Variants in COL19A1 observed in about 807,000 individuals in gnomAD.
The protein encoded by COL19A1 is collagen alpha-1(XIX) chain.
A neutral mutation model predicts 190.2 loss-of-function variants in COL19A1; 159 were observed. The ratio of observed to expected loss-of-function variants is 0.84; its 90% confidence interval spans 0.73 to 0.95. The LOEUF is 0.95. Ranked by LOEUF, COL19A1 falls within the 40% of genes least tolerant of loss-of-function variation. The probability of loss-of-function intolerance (pLI) is 0.00; values close to 1 mark genes in which losing one functional copy is unlikely to be tolerated. For synonymous variants in COL19A1, 509 were observed against 458.9 expected (o/e 1.11, Z -1.39); for missense variants, 1,418 against 1,431.9 (o/e 0.99, Z 0.16).
chr6:69,987,129 C>T (rs1776357144), intron 11 of COL19A1, among the ~76,000 whole-genome samples: 2 of 152,034 alleles, frequency 1.3e-5, no homozygotes, highest in South Asian at 2.1e-4. Flanking sequence ...GGCATCATCC[C>T]AAAGGTGTCC....
At chr6:69,901,739 A>C (rs1239617290) in intron 4 of COL19A1, among the ~76,000 whole-genome samples, 3 of 152,220 alleles carry the variant, frequency 2.0e-5, no homozygotes, top group Admixed American at 2.0e-4. Context: ...GAAAGGCAAT[A>C]CATTCTGTTT....
At chr6:70,081,046 A>G (rs1782216205) in intron 15 of COL19A1, among the ~76,000 whole-genome samples, 3 of 152,202 alleles carry the variant, frequency 2.0e-5, no homozygotes, top group African/African-American at 7.2e-5. Context: ...TTTAATATCA[A>G]AAATGGTGCA....
At chr6:70,053,132 G>A (rs1780300360) in intron 14 of COL19A1, among the ~76,000 whole-genome samples, 1 of 152,120 alleles carries the variant, frequency 6.6e-6, no homozygotes, top group Non-Finnish European at 1.5e-5. Flanking sequence ...GTGCAAACAT[G>A]GAAGTCTTTT....
chr6:70,189,765 C>T (rs1244512669), intron 47 of COL19A1, among the ~76,000 whole-genome samples: 1 of 152,186 alleles, frequency 6.6e-6, no homozygotes, highest in African/African-American at 2.4e-5. Context: ...TATATACTTG[C>T]AATGTGTAAA....
intron 11 of COL19A1, among the ~76,000 whole-genome samples, chr6:69,972,018 A>T (rs1775456739): frequency 6.6e-6 from 1 of 152,206 alleles, no homozygotes; most frequent in African/African-American, 2.4e-5. Context: ...TGTGCTTCTC[A>T]GAACTCATCT....
At chr6:70,071,338 G>C (rs550698568) in intron 15 of COL19A1, among the ~76,000 whole-genome samples, 1 of 152,032 alleles carries the variant, frequency 6.6e-6, no homozygotes, top group African/African-American at 2.4e-5. Context: ...ACCACGCCAA[G>C]GTTCTGTTTG....
intron 14 of COL19A1, among the ~76,000 whole-genome samples, chr6:70,054,469 T>C (rs1780383323): frequency 6.6e-6 from 1 of 152,200 alleles, no homozygotes; most frequent in East Asian, 1.9e-4. Flanking sequence ...TGACAACTTA[T>C]CATCTTTGTA....
At chr6:70,059,616 G>C in intron 14 of COL19A1, 1 of 265,584 alleles carries the variant, frequency 3.8e-6, no homozygotes, top group Non-Finnish European at 7.6e-6. Flanking sequence ...AGCTGGCTTG[G>C]ACTATTTTTT....
chr6:70,187,944 A>G, intron 46 of COL19A1, 131 bp from the exon 47 acceptor site: 2 of 1,032,344 alleles, frequency 1.9e-6, no homozygotes, highest in Non-Finnish European at 2.8e-6. Context: ...GGAGGCTAGG[A>G]CACAGAGAGT....
At chr6:69,879,451 G>A (rs1213882372) in intron 1 of COL19A1, 85 bp from the exon 2 acceptor site, 3 of 719,498 alleles carry the variant, frequency 4.2e-6, no homozygotes, top group East Asian at 5.3e-5. Context: ...ACGTTGATTG[G>A]TTTTGCTTTG....
At chr6:70,136,759 G>C (rs892194929) in intron 18 of COL19A1, among the ~76,000 whole-genome samples, 17 of 151,898 alleles carry the variant, frequency 1.1e-4, no homozygotes, top group African/African-American at 3.4e-4. Flanking sequence ...TGAAGGCTTG[G>C]TGTATTCTAC....
Position 70,188,269 on chromosome 6 carries a change from G to C in COL19A1, c.3027+24G>C, listed in dbSNP as rs371177207. ...CGGTAAGTAGTGCTAAGACGCTTTA[G>C]GGCTCCTGGCTTGTACCGACCATGT... is the stretch of plus-strand genomic sequence containing the variant. On this transcript the variant is annotated intron_variant, in intron 47 of 50. Transcript: ENST00000620364. The C allele has an allele frequency of 3.8e-6, 6 of 1,582,960 alleles. No individual in the cohort carries two copies. The African/African-American group carries it at 6.8e-5, about 18-fold the overall frequency.
intron 11 of COL19A1, among the ~76,000 whole-genome samples, chr6:70,016,653 A>G (rs1778125894): frequency 6.6e-6 from 1 of 152,078 alleles, no homozygotes; most frequent in Non-Finnish European, 1.5e-5. Flanking sequence ...AATGACTTGT[A>G]TCAATAATAC....
intron 4 of COL19A1, among the ~76,000 whole-genome samples, chr6:69,915,934 CTTTTTTT>C (rs10707834): frequency 9.0e-6 from 1 of 110,940 alleles, no homozygotes; most frequent in Non-Finnish European, 1.8e-5. Flanking sequence ...CTCATCTCAT[CTTTTTTT>C]TTTTTTTTTT....
chr6:70,000,664 T>A (rs147739941), intron 11 of COL19A1, among the ~76,000 whole-genome samples: 3 of 152,236 alleles, frequency 2.0e-5, no homozygotes, highest in Admixed American at 6.5e-5. Context: ...CATAAACGTC[T>A]TCTTTTGAGA....
At chr6:70,113,335 C>T (rs1233928059) in intron 16 of COL19A1, among the ~76,000 whole-genome samples, 1 of 152,178 alleles carries the variant, frequency 6.6e-6, no homozygotes, top group Non-Finnish European at 1.5e-5. Flanking sequence ...TCTTCAGACT[C>T]CTGCAATGCT....
Position 70,121,881 on chromosome 6 carries a change from G to T in COL19A1, c.1280G>T (p.Gly427Val). 2 of 1,571,018 alleles carry T rather than the reference G, an allele frequency of 1.3e-6. No homozygotes were observed. The highest frequency in any genetic ancestry group is 1.2e-5 in the South Asian group (1 of 83,504). The change falls in exon 17 of 51, where the codon GGA becomes GTA. Residue 427 changes from glycine to valine, a missense_variant and splice_region_variant. Gly to Val is a moderately radical substitution (Grantham distance 109, BLOSUM62 -3). Transcript: ENST00000620364. ...GTCTTTGATTTGTTTATAATACAGG[G>T]ACCTCCTGGAATACAAGGAATACAC... Reference protein sequence around the residue: ...PGKPGPPGPPGPPGIQGIHQT... With the variant: ...PGKPGPPGPPVPPGIQGIHQT...
intron 11 of COL19A1, among the ~76,000 whole-genome samples, chr6:69,979,146 C>T (rs956767685): frequency 6.6e-6 from 1 of 151,838 alleles, no homozygotes; most frequent in African/African-American, 2.4e-5. Flanking sequence ...TTTATGTAGC[C>T]AGTGTTATTT....
intron 17 of COL19A1, among the ~76,000 whole-genome samples, chr6:70,126,206 TTAAATC>T (rs1201618568): frequency 6.6e-6 from 1 of 151,786 alleles, no homozygotes; most frequent in Non-Finnish European, 1.5e-5. Context: ...TTTTCACATA[TTAAATC>T]ATAACTTCAC....
Sources: gnomAD v4.1 joint callset for allele counts (sites outside exome capture counted in the v4.1 genomes callset) on GRCh38, gnomAD v4.1.1 for gene constraint, MANE v1.5 for transcripts, NCBI Gene and HGNC (gene_info 2026-07-23, HGNC 2026-07-21) for gene names.